Variants in ABI1 observed in about 807,000 individuals in gnomAD.
ABI1 encodes abl interactor 1.
ABI1 carries 14 observed loss-of-function variants against 54.6 expected under a neutral mutation model. That is an observed-to-expected ratio of 0.26 (90% CI 0.17 to 0.40). The LOEUF (loss-of-function observed/expected upper bound fraction) is 0.40, where lower values mean the gene tolerates loss of function less well. ABI1 is among the 10% of genes least tolerant of loss of function. The pLI, the probability that ABI1 is intolerant of heterozygous loss-of-function variation, is 1.00. For synonymous variants in ABI1, 194 were observed against 209.3 expected (o/e 0.93, Z 0.63); for missense variants, 443 against 598.3 (o/e 0.74, Z 2.71).
chr10:26,794,164 A>AT (rs1843825920), intron 2 of ABI1, among the ~76,000 whole-genome samples: 1 of 151,928 alleles, frequency 6.6e-6, no homozygotes, highest in Non-Finnish European at 1.5e-5. Flanking sequence ...AATCCCTTGA[A>AT]CCCAGGATGC....
intron 9 of ABI1, among the ~76,000 whole-genome samples, chr10:26,753,904 T>G (rs983428053): frequency 6.6e-6 from 1 of 152,178 alleles, no homozygotes; most frequent in East Asian, 1.9e-4. Context: ...CCTAGAATAA[T>G]GTACACTAAT....
intron 1 of ABI1, among the ~76,000 whole-genome samples, chr10:26,826,400 T>C (rs1295887405): frequency 2.0e-5 from 3 of 152,180 alleles, no homozygotes; most frequent in Non-Finnish European, 4.4e-5. Context: ...TATGCTGTCA[T>C]CCAGGCTTGG....
chr10:26,848,497 G>A (rs1433928487), intron 1 of ABI1, among the ~76,000 whole-genome samples: 1 of 151,466 alleles, frequency 6.6e-6, no homozygotes, highest in Non-Finnish European at 1.5e-5. Flanking sequence ...ACTTTTAGCA[G>A]CAAATCAGTT....
intron 2 of ABI1, among the ~76,000 whole-genome samples, chr10:26,791,068 C>CAAAAAAAAAAAA (rs369738380): frequency 1.7e-5 from 1 of 59,138 alleles, no homozygotes; most frequent in African/African-American, 5.8e-5. Flanking sequence ...GATTCCGTCT[C>CAAAAAAAAAAAA]AAAAAAAAAA....
At chr10:26,805,724 C>T (rs767744804) in intron 2 of ABI1, among the ~76,000 whole-genome samples, 4 of 152,178 alleles carry the variant, frequency 2.6e-5, no homozygotes, top group Non-Finnish European at 4.4e-5. Flanking sequence ...GGGCATATCA[C>T]GTCAGTCTGC....
intron 8 of ABI1, 78 bp from the exon 9 acceptor site, chr10:26,755,819 G>C: frequency 9.8e-7 from 1 of 1,018,524 alleles, no homozygotes; most frequent in Non-Finnish European, 1.5e-6. Context: ...GCAGAAGTCA[G>C]TTACAAGGAC....
chr10:26,838,886 A>G (rs1398313337), intron 1 of ABI1, among the ~76,000 whole-genome samples: 1 of 152,232 alleles, frequency 6.6e-6, no homozygotes, highest in Non-Finnish European at 1.5e-5. Flanking sequence ...ACGGTCTGCC[A>G]CTATGCCACA....
chr10:26,843,467 AAAAAAAAAAAAAAAAAAAATAT>A (rs1205628153), intron 1 of ABI1, among the ~76,000 whole-genome samples: 2 of 82,294 alleles, frequency 2.4e-5, no homozygotes, highest in African/African-American at 9.0e-5. Flanking sequence ...AAAAAAAAAA[AAAAAAAAAAAAAAAAAAAATAT>A]ATATATATAT....
chr10:26,845,146 TAA>T (rs57494089), intron 1 of ABI1, among the ~76,000 whole-genome samples: 15 of 146,234 alleles, frequency 1.0e-4, no homozygotes, highest in Admixed American at 5.4e-4. Flanking sequence ...CTAAATGCTT[TAA>T]AAAAAAAAAA....
intron 1 of ABI1, among the ~76,000 whole-genome samples, chr10:26,832,070 T>C (rs935684250): frequency 6.6e-6 from 1 of 152,164 alleles, no homozygotes; most frequent in African/African-American, 2.4e-5. Context: ...ACGGGTGCAA[T>C]AATCCAGTTA....
At chr10:26,819,210 A>ACC (rs549240506) in intron 2 of ABI1, among the ~76,000 whole-genome samples, 4 of 151,324 alleles carry the variant, frequency 2.6e-5, no homozygotes, top group South Asian at 2.1e-4. Flanking sequence ...CCAAATCAGC[A>ACC]CCCCCCCCAA....
At chr10:26,810,618 G>A (rs921770361) in intron 2 of ABI1, among the ~76,000 whole-genome samples, 32 of 152,164 alleles carry the variant, frequency 2.1e-4, no homozygotes, top group Admixed American at 6.5e-4. Context: ...AAAAGCAGCC[G>A]TAACAATATG....
At chr10:26,759,334 A>G in intron 7 of ABI1, 96 bp from the exon 8 acceptor site, 1 of 1,018,606 alleles carries the variant, frequency 9.8e-7, no homozygotes, top group Admixed American at 3.0e-5. Context: ...TCAGTAAGAA[A>G]TATTTATTAC....
chr10:26,762,182 T>G (rs750372424), intron 7 of ABI1, among the ~76,000 whole-genome samples: 1 of 152,154 alleles, frequency 6.6e-6, no homozygotes, highest in African/African-American at 2.4e-5. Context: ...AAATTTTTTG[T>G]ATTTTTTGCA....
intron 2 of ABI1, among the ~76,000 whole-genome samples, chr10:26,786,524 T>C (rs1306858589): frequency 6.6e-6 from 1 of 152,108 alleles, no homozygotes; most frequent in Non-Finnish European, 1.5e-5. Context: ...CCCGCCTCTC[T>C]ACACATCTTT....
At chr10:26,827,596 GTT>G (rs398013068) in intron 1 of ABI1, among the ~76,000 whole-genome samples, 2 of 138,072 alleles carry the variant, frequency 1.4e-5, no homozygotes, top group Non-Finnish European at 3.1e-5. Flanking sequence ...TCTGTTTTTT[GTT>G]TTTTTTTTTT....
intron 1 of ABI1, among the ~76,000 whole-genome samples, chr10:26,836,190 G>A (rs1252707192): frequency 6.6e-6 from 1 of 151,880 alleles, no homozygotes; most frequent in Non-Finnish European, 1.5e-5. Context: ...TCAGCTCAAT[G>A]CAACCTCCAC....
At chr10:26,807,139 T>A (rs1542553) in intron 2 of ABI1, among the ~76,000 whole-genome samples, 86,428 of 151,970 alleles carry the variant, frequency 0.57, 26,528 homozygotes, top group African/African-American at 0.81. Context: ...GGCAGAAAAA[T>A]TAAAAAGATA....
chr10:26,762,451 C>T (rs1230198188), intron 7 of ABI1, among the ~76,000 whole-genome samples: 2 of 152,186 alleles, frequency 1.3e-5, no homozygotes, highest in Non-Finnish European at 2.9e-5. Flanking sequence ...CTGGGGATGA[C>T]ACTCTGAAAA....
Sources: allele counts gnomAD v4.1 joint callset (sites outside exome capture counted in the v4.1 genomes callset), GRCh38; gene constraint gnomAD v4.1.1; transcripts MANE v1.5; gene names NCBI Gene and HGNC (gene_info 2026-07-23, HGNC 2026-07-21).